TMEM87B: variants seen among roughly 807,000 people sequenced by gnomAD.
TMEM87B encodes transmembrane protein 87B.
In TMEM87B, 83 loss-of-function variants were observed where a neutral mutation model predicts 80.3. The ratio of observed to expected loss-of-function variants is 1.03; its 90% CI spans 0.87 to 1.24. The LOEUF is 1.24. Ranked by LOEUF, TMEM87B falls within the 50% of genes most tolerant of loss-of-function variation. The pLI, the probability that TMEM87B is intolerant of heterozygous loss-of-function variation, is 0.00. For synonymous variants in TMEM87B, 219 were observed against 230.5 expected, an observed-to-expected ratio of 0.95 and a Z score of 0.45; for missense variants, 625 against 674.4, an observed-to-expected ratio of 0.93 and a Z score of 0.81.
At chr2:112,099,887 A>AT in intron 14 of TMEM87B, among the ~76,000 whole-genome samples, 1 of 151,138 alleles carries the variant, frequency 6.6e-6, no homozygotes, top group Non-Finnish European at 1.5e-5. Flanking sequence ...TGTCTCAAAA[A>AT]AAAAAAAAAA....
intron 4 of TMEM87B, among the ~76,000 whole-genome samples, chr2:112,069,117 G>A (rs867494234): frequency 1.0e-3 from 154 of 150,612 alleles, no homozygotes; most frequent in African/African-American, 3.6e-3. Flanking sequence ...GCGTGAACCC[G>A]GGAAGCGGAG....
intron 1 of TMEM87B, among the ~76,000 whole-genome samples, chr2:112,057,530 C>T (rs957222510): frequency 1.3e-5 from 2 of 152,216 alleles, no homozygotes; most frequent in African/African-American, 4.8e-5. Flanking sequence ...CCTGCCTCAG[C>T]CTCCCAAAGT....
intron 8 of TMEM87B, among the ~76,000 whole-genome samples, chr2:112,083,458 C>A (rs941223852): frequency 1.3e-5 from 2 of 152,160 alleles, no homozygotes; most frequent in Non-Finnish European, 2.9e-5. Flanking sequence ...GCTCAGTAGC[C>A]ACAGGTGACC....
At chr2:112,093,517 A>C (rs1183674272) in intron 11 of TMEM87B, among the ~76,000 whole-genome samples, 1 of 152,196 alleles carries the variant, frequency 6.6e-6, no homozygotes, top group Non-Finnish European at 1.5e-5. Context: ...CTTAGGGAAT[A>C]ATAACTGATC....
chr2:112,115,437 TTCATAACTCTACAGAAAGAG>T (rs1679996706), intron 18 of TMEM87B, among the ~76,000 whole-genome samples: 1 of 143,462 alleles, frequency 7.0e-6, no homozygotes, highest in South Asian at 2.2e-4. Flanking sequence ...TACAGAAAGA[TTCATAACTCTACAGAAAGAG>T]GTAGCATTAC....
At chr2:112,109,604 T>G (rs980667377) in intron 17 of TMEM87B, among the ~76,000 whole-genome samples, 1 of 151,690 alleles carries the variant, frequency 6.6e-6, no homozygotes, top group African/African-American at 2.4e-5. Flanking sequence ...TTGCTGTTTT[T>G]CTGATTTTTC....
At chr2:112,101,688 G>A (rs541659858) in intron 15 of TMEM87B, among the ~76,000 whole-genome samples, 1 of 152,168 alleles carries the variant, frequency 6.6e-6, no homozygotes. Context: ...GACATATGTG[G>A]TGTAACTTTT....
chr2:112,060,456 ATGTTT>A (rs1340770350), intron 2 of TMEM87B, among the ~76,000 whole-genome samples: 1 of 152,024 alleles, frequency 6.6e-6, no homozygotes, highest in Non-Finnish European at 1.5e-5. Context: ...AACTAAGCAA[ATGTTT>A]TGTTTTTAAG....
chr2:112,087,827 G>A (rs1186616105), intron 9 of TMEM87B, among the ~76,000 whole-genome samples: 1 of 152,106 alleles, frequency 6.6e-6, no homozygotes, highest in Non-Finnish European at 1.5e-5. Flanking sequence ...TATTGAGACT[G>A]CTCTTGTCAA....
At chr2:112,106,648 A>G (rs1679776907) in intron 16 of TMEM87B, among the ~76,000 whole-genome samples, 1 of 152,146 alleles carries the variant, frequency 6.6e-6, no homozygotes. Flanking sequence ...TATTTTCTGC[A>G]TGTTATTTAT....
chr2:112,091,021 G>C (rs1260124812), intron 10 of TMEM87B, among the ~76,000 whole-genome samples: 1 of 151,986 alleles, frequency 6.6e-6, no homozygotes, highest in Non-Finnish European at 1.5e-5. Flanking sequence ...ATAAATACTT[G>C]CCAGAAGGAA....
chr2:112,062,397 A>G (rs1678285235), intron 2 of TMEM87B, among the ~76,000 whole-genome samples: 2 of 152,232 alleles, frequency 1.3e-5, no homozygotes, highest in Non-Finnish European at 2.9e-5. Flanking sequence ...ATCTCAAAGT[A>G]TACAGAAAGA....
At chr2:112,088,231 G>T (rs982013414) in intron 9 of TMEM87B, among the ~76,000 whole-genome samples, 1 of 152,230 alleles carries the variant, frequency 6.6e-6, no homozygotes, top group African/African-American at 2.4e-5. Flanking sequence ...AAGGCCTCTT[G>T]TTGAGGAATC....
intron 11 of TMEM87B, chr2:112,095,480 T>G (rs1679440267): frequency 5.1e-6 from 5 of 971,016 alleles, no homozygotes; most frequent in Non-Finnish European, 6.1e-6. Context: ...CTTAAAAACA[T>G]TTTTTTAAAA....
intron 9 of TMEM87B, among the ~76,000 whole-genome samples, chr2:112,088,908 G>A (rs1679224539): frequency 6.6e-6 from 1 of 152,040 alleles, no homozygotes; most frequent in Admixed American, 6.6e-5. Context: ...ACAGGCACGA[G>A]CCACCACCCC....
At chr2:112,057,630 TG>T (rs1558825013) in intron 1 of TMEM87B, among the ~76,000 whole-genome samples, 1 of 152,166 alleles carries the variant, frequency 6.6e-6, no homozygotes, top group Non-Finnish European at 1.5e-5. Flanking sequence ...CACCACTGTG[TG>T]TCATATGTTA....
At chr2:112,059,945 CAA>C in intron 1 of TMEM87B, 30 bp from the exon 2 acceptor site, 1 of 1,587,632 alleles carries the variant, frequency 6.3e-7, no homozygotes, top group African/African-American at 1.3e-5. Context: ...AACTTTCTAA[CAA>C]GATCTTCCTG....
intron 16 of TMEM87B, among the ~76,000 whole-genome samples, chr2:112,107,357 CAAAAAAAA>C (rs35280651): frequency 4.8e-5 from 4 of 83,988 alleles, no homozygotes; most frequent in Admixed American, 2.8e-4. Context: ...GACTCTGTCT[CAAAAAAAA>C]AAAAAAAAAA....
At chr2:112,069,221 A>AAAC (rs1558831389) in intron 4 of TMEM87B, among the ~76,000 whole-genome samples, 7 of 150,672 alleles carry the variant, frequency 4.6e-5, no homozygotes, top group African/African-American at 1.7e-4. Flanking sequence ...AAAAAAAAAA[A>AAAC]CTCATGTCAC....
Sources: gnomAD v4.1 joint callset for allele counts (sites outside exome capture counted in the v4.1 genomes callset) on GRCh38, gnomAD v4.1.1 for gene constraint, MANE v1.5 for transcripts, NCBI Gene and HGNC (gene_info 2026-07-23, HGNC 2026-07-21) for gene names.